The following SPIRE2 variants were observed in gnomAD, a reference collection of about 807,000 sequenced individuals.
SPIRE2 encodes protein spire homolog 2.
SPIRE2 carries 76 observed loss-of-function variants against 80.7 expected under a neutral mutation model. The ratio of observed to expected loss-of-function variants is 0.94; its 90% CI spans 0.78 to 1.14. SPIRE2 has a LOEUF of 1.14. SPIRE2 is among the 50% of genes most tolerant of loss of function. The pLI is 0.00. For synonymous variants in SPIRE2, 535 were observed against 432.6 expected (o/e 1.24, Z -2.94); for missense variants, 1,196 against 1,015.3 (o/e 1.18, Z -2.42).
chr16:89,865,836 C>T (rs980364875), intron 12 of SPIRE2, among the ~76,000 whole-genome samples: 9 of 151,620 alleles, frequency 5.9e-5, no homozygotes, highest in Non-Finnish European at 8.8e-5. Flanking sequence ...GGCGTGGTGG[C>T]GGGTGCCTGT....
intron 12 of SPIRE2, among the ~76,000 whole-genome samples, chr16:89,866,841 C>T (rs2041793783): frequency 6.6e-6 from 1 of 151,544 alleles, no homozygotes; most frequent in Non-Finnish European, 1.5e-5. Context: ...GATCTCCTGA[C>T]CTCGTGATCT....
intron 1 of SPIRE2, among the ~76,000 whole-genome samples, chr16:89,843,189 A>G (rs1454324968): frequency 2.6e-5 from 4 of 152,150 alleles, no homozygotes; most frequent in Non-Finnish European, 5.9e-5. Flanking sequence ...GTTGGGGAGC[A>G]CAGACCCTGG....
At chr16:89,837,875 G>C (rs2041465519) in intron 1 of SPIRE2, among the ~76,000 whole-genome samples, 1 of 152,228 alleles carries the variant, frequency 6.6e-6, no homozygotes, top group Non-Finnish European at 1.5e-5. Context: ...GCAAGAGGAA[G>C]CTCACGGCTC....
rs1327377572 is a variant in SPIRE2, at chr16:89,870,781, A to T, written c.*509A>T. ...AGTAGGCAGGGTCCTCCTGGGAGGC[A>T]CCCCCACCTGTTTGAAAGGTCTGGC... On this transcript the variant is annotated 3_prime_UTR_variant, in exon 15 of 15. Coordinates refer to ENST00000378247, the MANE Select transcript of SPIRE2 (RefSeq NM_032451.2). The T allele has an allele frequency of 6.3e-6, 1 of 159,310 alleles. No individual in the cohort carries two copies. The highest frequency in any genetic ancestry group is 1.4e-5 in the Non-Finnish European group (1 of 71,500). 9.9% of individuals were successfully genotyped at this position (159,310 alleles called of 1,614,324 possible).
rs371152189 is a variant in SPIRE2 at position 89,863,425 on chromosome 16, G to A, written c.1576-51G>A. ...TAGGGTCCTCAGGGAAGGAGAGTAA[G>A]CTAGGGGAGCCTCCTGCATAGAAGA... On this transcript the variant is annotated intron_variant, in intron 10 of 14. Coordinates refer to ENST00000378247, the MANE Select transcript of SPIRE2 (RefSeq NM_032451.2). This position sits in a 1 kb window ranked among gnomAD's most constrained non-coding sequence, Gnocchi z 4.3. The A allele has an allele frequency of 6.2e-7, 1 of 1,609,020 alleles. No homozygotes were observed. The highest frequency in any genetic ancestry group is 1.3e-5 in the African/African-American group (1 of 74,924).
At chr16:89,836,547 C>T (rs2041451524) in intron 1 of SPIRE2, 1 of 226,810 alleles carries the variant, frequency 4.4e-6, no homozygotes, top group South Asian at 5.9e-5. Context: ...TGGTATTAAG[C>T]AGACACCAAC....
chr16:89,844,727 C>T (rs185197545), intron 1 of SPIRE2, among the ~76,000 whole-genome samples: 5 of 152,336 alleles, frequency 3.3e-5, no homozygotes, highest in South Asian at 4.1e-4. Flanking sequence ...CGTGAGCCAC[C>T]GCGCCTGGCC....
intron 6 of SPIRE2, 80 bp downstream of exon 6, chr16:89,855,766 C>A: frequency 1.4e-6 from 2 of 1,411,710 alleles, no homozygotes; most frequent in Non-Finnish European, 9.9e-7. Flanking sequence ...GGTGTCCCAG[C>A]ACGTCTTCCT....
chr16:89,833,946 G>A (rs1428275010), intron 1 of SPIRE2, among the ~76,000 whole-genome samples: 1 of 152,156 alleles, frequency 6.6e-6, no homozygotes, highest in African/African-American at 2.4e-5. Context: ...GGTGTGAGCT[G>A]GGTGTGTCTC....
intron 1 of SPIRE2, among the ~76,000 whole-genome samples, chr16:89,840,697 G>A (rs1472019763): frequency 3.5e-5 from 5 of 143,714 alleles, no homozygotes; most frequent in African/African-American, 1.1e-4. Context: ...GTGCAATGGC[G>A]CAATCTCGGC....
intron 1 of SPIRE2, chr16:89,836,250 CAG>C (rs995170511): frequency 8.8e-6 from 4 of 455,878 alleles, no homozygotes; most frequent in African/African-American, 2.0e-5. Context: ...ATCCACCTGT[CAG>C]GGGTCAGCAC....
chr16:89,829,783 C>T (rs1228331228), intron 1 of SPIRE2, among the ~76,000 whole-genome samples: 1 of 151,468 alleles, frequency 6.6e-6, no homozygotes, highest in African/African-American at 2.4e-5. Context: ...AAGAGCAGGC[C>T]CTGAGGTTTT....
intron 1 of SPIRE2, among the ~76,000 whole-genome samples, chr16:89,839,766 C>T (rs73268501): frequency 0.047 from 7,107 of 152,202 alleles, 595 homozygotes; most frequent in African/African-American, 0.16. Context: ...GGAGTCGTAC[C>T]CCTTCCCATG....
chr16:89,852,028 C>G (rs1452306579), intron 3 of SPIRE2, among the ~76,000 whole-genome samples: 1 of 144,612 alleles, frequency 6.9e-6, no homozygotes, highest in Non-Finnish European at 1.5e-5. Context: ...CCCCACCCCC[C>G]AGATCCCCTG....
Position 89,855,722 on chromosome 16 carries a change from CG to C in SPIRE2, c.978+40del, listed in dbSNP as rs759855728. 59 of 1,600,982 alleles carry C rather than the reference CG, an allele frequency of 3.7e-5. No homozygotes were observed. In the African/African-American group the frequency reaches 7.5e-4, roughly 20 times the overall value. On this transcript the variant is annotated intron_variant, in intron 6 of 14. Transcript: ENST00000378247. ...AGCCTCCTCCTCCTCAGGGGCCGCCCGGGGCCTGGTGCTGTCCTGTAGCCAG... is the reference window on the plus strand; with the variant it reads ...AGCCTCCTCCTCCTCAGGGGCCGCCCGGGCCTGGTGCTGTCCTGTAGCCAG...
chr16:89,865,332 A>G (rs2041780063), intron 12 of SPIRE2, among the ~76,000 whole-genome samples: 1 of 152,166 alleles, frequency 6.6e-6, no homozygotes, highest in South Asian at 2.1e-4. Flanking sequence ...AAGGTTCACT[A>G]TGGTAAGGTG....
Position 89,854,386 on chromosome 16 carries a change from G to A in SPIRE2, c.726+20G>A. On this transcript the variant is annotated intron_variant, in intron 4 of 14. Transcript: ENST00000378247. Reference sequence around the variant, plus strand: ...GACTGGGTAAGGCTCACTCCCACCTGACCGGGCCACTGACGCGGCCCAGCC... The same window carrying A: ...GACTGGGTAAGGCTCACTCCCACCTAACCGGGCCACTGACGCGGCCCAGCC... 1 of 1,611,790 alleles carries A rather than the reference G, an allele frequency of 6.2e-7. No individual in the cohort carries two copies. Among genetic ancestry groups the A allele is most frequent in the Non-Finnish European group, 8.5e-7 (1 of 1,179,510 alleles).
chr16:89,830,699 C>T (rs1484412466), intron 1 of SPIRE2, among the ~76,000 whole-genome samples: 1 of 151,060 alleles, frequency 6.6e-6, no homozygotes, highest in Non-Finnish European at 1.5e-5. Context: ...TCAGTACCCA[C>T]CCTCTCACAC....
intron 1 of SPIRE2, among the ~76,000 whole-genome samples, chr16:89,839,513 C>T (rs550785941): frequency 2.5e-4 from 38 of 152,144 alleles, no homozygotes; most frequent in Non-Finnish European, 4.6e-4. Flanking sequence ...GTTGCTAGTT[C>T]GTGGGTCTGC....
Sources: gnomAD v4.1 joint callset for allele counts (sites outside exome capture counted in the v4.1 genomes callset) on GRCh38, gnomAD v4.1.1 for gene constraint, Gnocchi (gnomAD v3.1) non-coding constraint, MANE v1.5 for transcripts, NCBI Gene and HGNC (gene_info 2026-07-23, HGNC 2026-07-21) for gene names.